Variants in KLHDC10 observed in about 807,000 individuals in gnomAD.
KLHDC10 encodes kelch domain-containing protein 10.
Under a neutral mutation model 56.1 loss-of-function variants are expected in KLHDC10, and 24 were observed. The observed-to-expected ratio is 0.43, with a 90% confidence interval of 0.31 to 0.60. The LOEUF (loss-of-function observed/expected upper bound fraction) is 0.60, where lower values mean the gene tolerates loss of function less well. Among genes scored for constraint, KLHDC10 ranks in the 20% least tolerant of loss-of-function variants. The pLI is 0.11. For missense variants in KLHDC10, 349 were observed against 567.0 expected (o/e 0.62, Z 3.91); for synonymous variants, 188 against 207.1 (o/e 0.91, Z 0.79).
At chr7:130,079,693 A>G (rs1013271649) in intron 1 of KLHDC10, among the ~76,000 whole-genome samples, 2 of 151,426 alleles carry the variant, frequency 1.3e-5, no homozygotes, top group Non-Finnish European at 2.9e-5. Context: ...TTATAAAACT[A>G]TTTCAAAGCT....
chr7:130,119,049 A>G (rs1796210086), intron 3 of KLHDC10, among the ~76,000 whole-genome samples: 1 of 104,738 alleles, frequency 9.5e-6, no homozygotes, highest in African/African-American at 4.3e-5. Context: ...CTGTCTCTTA[A>G]AAAAAAAAAA....
At chr7:130,106,212 A>G (rs1796006379) in intron 2 of KLHDC10, among the ~76,000 whole-genome samples, 7 of 152,236 alleles carry the variant, frequency 4.6e-5, no homozygotes, top group Admixed American at 4.6e-4. Context: ...AATGCATGCC[A>G]TATTTAACAA....
At chr7:130,071,417 G>A (rs999394015) in intron 1 of KLHDC10, among the ~76,000 whole-genome samples, 1 of 152,142 alleles carries the variant, frequency 6.6e-6, no homozygotes, top group Admixed American at 6.5e-5. Context: ...GGGAGAAAGT[G>A]AAGATCAAAA....
chr7:130,107,148 G>A (rs1423720545), intron 2 of KLHDC10, among the ~76,000 whole-genome samples: 2 of 151,886 alleles, frequency 1.3e-5, no homozygotes, highest in East Asian at 1.9e-4. Flanking sequence ...AATACATAAC[G>A]GCATAACCTT....
At chr7:130,098,364 A>C (rs747504670) in intron 2 of KLHDC10, among the ~76,000 whole-genome samples, 17 of 152,114 alleles carry the variant, frequency 1.1e-4, no homozygotes, top group Non-Finnish European at 2.4e-4. Flanking sequence ...ATGGTGGTAC[A>C]CACTTATAGT....
At chr7:130,099,956 T>G (rs1795907156) in intron 2 of KLHDC10, among the ~76,000 whole-genome samples, 1 of 151,888 alleles carries the variant, frequency 6.6e-6, no homozygotes, top group Non-Finnish European at 1.5e-5. Context: ...GCATGTACAA[T>G]TAGCCGGGTG....
At chr7:130,112,119 A>G (rs537543640) in intron 2 of KLHDC10, among the ~76,000 whole-genome samples, 23 of 152,360 alleles carry the variant, frequency 1.5e-4, no homozygotes, top group African/African-American at 5.3e-4. Context: ...AGAAATTCTC[A>G]TACATTTGTA....
intron 1 of KLHDC10, among the ~76,000 whole-genome samples, chr7:130,092,884 C>T (rs1282169412): frequency 1.3e-5 from 2 of 152,112 alleles, no homozygotes; most frequent in East Asian, 3.9e-4. Flanking sequence ...CCCTGGTCCT[C>T]TGCTCTTGGT....
intron 1 of KLHDC10, among the ~76,000 whole-genome samples, chr7:130,079,183 G>A (rs1240918941): frequency 2.6e-5 from 4 of 151,480 alleles, no homozygotes; most frequent in Non-Finnish European, 4.4e-5. Flanking sequence ...TCAGCCTCCC[G>A]GGTAGCTGGG....
At chr7:130,071,903 G>GAATTT (rs1554461339) in intron 1 of KLHDC10, among the ~76,000 whole-genome samples, 1 of 152,116 alleles carries the variant, frequency 6.6e-6, no homozygotes, top group African/African-American at 2.4e-5. Flanking sequence ...ATGACAAAGG[G>GAATTT]AATTTAGCAC....
intron 2 of KLHDC10, among the ~76,000 whole-genome samples, chr7:130,109,318 A>G (rs1253076407): frequency 1.3e-5 from 2 of 151,132 alleles, no homozygotes; most frequent in African/African-American, 2.4e-5. Context: ...TACTGCACTC[A>G]AGCGATCCTC....
intron 1 of KLHDC10, among the ~76,000 whole-genome samples, chr7:130,079,638 A>G (rs1375070291): frequency 1.3e-5 from 2 of 151,538 alleles, no homozygotes; most frequent in Admixed American, 6.6e-5. Context: ...AGGCGTTTTC[A>G]TTTTCCTTTC....
rs1292651924 is a variant in KLHDC10, at chr7:130,128,919, T to TATATATATATATAC, written c.980-517_980-516insTATATATATATACA. 6.6e-4 allele frequency among the ~76,000 whole-genome samples: 76 copies of TATATATATATATAC among 115,648 alleles called. 1 individual carries two copies. The highest frequency in any genetic ancestry group is 1.5e-3 in the African/African-American group (42 of 28,542). The allele number at this position is 115,648 out of a possible 152,430, so 75.9% of individuals were successfully genotyped here. A position where few individuals can be genotyped will look rare whatever the true frequency, so the allele number is the denominator to read the frequency against. On this transcript the variant is annotated intron_variant, in intron 8 of 9. Coordinates refer to ENST00000335420, the MANE Select transcript of KLHDC10 (RefSeq NM_014997.4). Reference sequence around the variant, plus strand: ...ATATATATATATATATATATATATATACATACTAGCCAAAACTTAAAAATC... The same window carrying TATATATATATATAC: ...ATATATATATATATATATATATATATATATATATATATACACATACTAGCCAAAACTTAAAAATC...
At chr7:130,128,885 A>ATATATATATATATATATAT (rs1554468180) in intron 8 of KLHDC10, among the ~76,000 whole-genome samples, 2 of 69,616 alleles carry the variant, frequency 2.9e-5, no homozygotes, top group African/African-American at 6.8e-5. Context: ...TAAAAAAAAA[A>ATATATATATATATATATAT]AAAAATATAT....
chr7:130,109,389 A>AT, intron 2 of KLHDC10, among the ~76,000 whole-genome samples: 1 of 151,334 alleles, frequency 6.6e-6, no homozygotes, highest in Non-Finnish European at 1.5e-5. Flanking sequence ...TGCCTGGCTA[A>AT]TTTTTTTTGG....
rs183273851 is a variant in KLHDC10 at position 130,073,166 on chromosome 7, C to T, written c.166+2357C>T. 1.6e-4 allele frequency among the ~76,000 whole-genome samples: 24 copies of T among 152,050 alleles called. 1 individual carries two copies. Among genetic ancestry groups the T allele is most frequent in the African/African-American group, 5.5e-4 (23 of 41,502 alleles). The stretch of plus-strand genomic sequence containing the variant: ...GGAGGATCACTTGAGCCTAGGAGTT[C>T]AAGGCCAGCCTGGGCAACAAAGCAA... On this transcript the variant is annotated intron_variant, in intron 1 of 9. Transcript: ENST00000335420.
chr7:130,130,403 C>G lies in KLHDC10; in HGVS notation c.1120-134C>G, dbSNP rs187380143. On this transcript the variant is annotated intron_variant, in intron 9 of 9. Transcript: ENST00000335420. The surrounding 1 kb of genome is among the most constrained non-coding windows in gnomAD (Gnocchi z 4.2). ...ATTATTTAAACCCTCTTGATCTCCA[C>G]ATGGTATTGGGATCAGTGAGGAATT... The G allele has an allele frequency of 9.1e-6, 6 of 658,130 alleles. No homozygotes were observed. The highest frequency in any genetic ancestry group is 9.0e-5 in the African/African-American group (5 of 55,402). 40.8% of individuals were successfully genotyped at this position (658,130 alleles called of 1,614,324 possible).
At chr7:130,072,310 T>C (rs751676500) in intron 1 of KLHDC10, among the ~76,000 whole-genome samples, 63 of 152,316 alleles carry the variant, frequency 4.1e-4, no homozygotes, top group Non-Finnish European at 7.6e-4. Flanking sequence ...ACCTGCTTGG[T>C]GCACTTCCTC....
intron 1 of KLHDC10, among the ~76,000 whole-genome samples, chr7:130,089,285 C>T (rs1795737513): frequency 6.6e-6 from 1 of 152,060 alleles, no homozygotes. Flanking sequence ...GAAACCCCGG[C>T]CCCATCTCTA....
Sources: gnomAD v4.1 joint callset for allele counts (sites outside exome capture counted in the v4.1 genomes callset) on GRCh38, gnomAD v4.1.1 for gene constraint, Gnocchi (gnomAD v3.1) non-coding constraint, MANE v1.5 for transcripts, NCBI Gene and HGNC (gene_info 2026-07-23, HGNC 2026-07-21) for gene names.